Variants in KNTC1 observed in about 807,000 individuals in gnomAD.
KNTC1 encodes the protein kinetochore associated 1.
In KNTC1, 253 loss-of-function variants were observed where a neutral mutation model predicts 314.4. The observed-to-expected ratio is 0.80, with a 90% CI of 0.73 to 0.89. The LOEUF is 0.89. Among genes scored for constraint, KNTC1 ranks in the 40% least tolerant of loss-of-function variants. The pLI, the probability that KNTC1 is intolerant of heterozygous loss-of-function variation, is 0.00. For missense variants in KNTC1, 2,475 were observed against 2,572.9 expected (o/e 0.96, Z 0.82); for synonymous variants, 901 against 901.4 (o/e 1.00, Z 0.01).
intron 10 of KNTC1, 72 bp downstream of exon 10, chr12:122,546,746 G>C: frequency 9.7e-7 from 1 of 1,026,070 alleles, no homozygotes; most frequent in Non-Finnish European, 1.5e-6. Context: ...ACTTACAAAG[G>C]CAAGGGTTTT....
At chr12:122,554,920 C>G (rs915697465) in intron 16 of KNTC1, among the ~76,000 whole-genome samples, 20 of 152,142 alleles carry the variant, frequency 1.3e-4, no homozygotes, top group Non-Finnish European at 2.4e-4. Flanking sequence ...TGGTGTGCGC[C>G]TGTAGTCCCA....
chr12:122,568,023 G>T (rs1964457121), intron 20 of KNTC1, among the ~76,000 whole-genome samples: 1 of 152,124 alleles, frequency 6.6e-6, no homozygotes, highest in Non-Finnish European at 1.5e-5. Context: ...GATTATCTGA[G>T]GAGGGTCCTA....
At chr12:122,599,170 T>A (rs568360856) in intron 44 of KNTC1, among the ~76,000 whole-genome samples, 1 of 152,042 alleles carries the variant, frequency 6.6e-6, no homozygotes, top group Non-Finnish European at 1.5e-5. Flanking sequence ...TCTCACTATA[T>A]TGCCCAGGTT....
intron 57 of KNTC1, 149 bp downstream of exon 57, chr12:122,615,675 G>A (rs1489662428): frequency 1.5e-5 from 10 of 685,196 alleles, no homozygotes; most frequent in East Asian, 9.6e-5. Context: ...TAACCCCAAC[G>A]CTTTGGGAGG....
At chr12:122,569,138 A>G (rs184002571) in intron 21 of KNTC1, among the ~76,000 whole-genome samples, 77 of 152,310 alleles carry the variant, frequency 5.1e-4, no homozygotes, top group African/African-American at 1.7e-3. Context: ...CTACACTTAT[A>G]CCACTGAACT....
At chr12:122,540,036 G>A (rs1406980189) in intron 5 of KNTC1, among the ~76,000 whole-genome samples, 1 of 151,708 alleles carries the variant, frequency 6.6e-6, no homozygotes, top group East Asian at 1.9e-4. Context: ...CACCTGCCTC[G>A]GCCTCCCAAA....
At chr12:122,550,567 A>G (rs911485944) in intron 13 of KNTC1, among the ~76,000 whole-genome samples, 1 of 152,106 alleles carries the variant, frequency 6.6e-6, no homozygotes, top group African/African-American at 2.4e-5. Context: ...CCGTCGCTCA[A>G]TCATAGCTCA....
chr12:122,579,025 C>CTTTTTTTTT (rs74421837), intron 31 of KNTC1, among the ~76,000 whole-genome samples: 3 of 75,256 alleles, frequency 4.0e-5, no homozygotes, highest in Non-Finnish European at 5.2e-5. Flanking sequence ...AGTCTGTATT[C>CTTTTTTTTT]TTTTTTTTTT....
chr12:122,598,028 G>T lies in KNTC1; in HGVS notation c.4563+90G>T, dbSNP rs548062750. Reference sequence around the variant, plus strand: ...CATTAGTAACAAATTGGATGTATAAGTCTATATTTTTATCAACTTTTAATT... The same window carrying T: ...CATTAGTAACAAATTGGATGTATAATTCTATATTTTTATCAACTTTTAATT... On this transcript the variant is annotated intron_variant, in intron 44 of 63. Transcript: ENST00000333479. 4.0e-4 allele frequency: 362 copies of T among 902,508 alleles called. 1 individual carries two copies. The highest frequency in any genetic ancestry group is 5.6e-4 in the Non-Finnish European group (323 of 576,858). The allele number at this position is 902,508 out of a possible 1,614,324, so 55.9% of individuals were successfully genotyped here. A position where few individuals can be genotyped will look rare whatever the true frequency, so the allele number is the denominator to read the frequency against.
chr12:122,562,022 A>G lies in KNTC1; in HGVS notation c.1542+48A>G, dbSNP rs780150697. ...TTAATATGTGGGTGAATATACCTTT[A>G]TAATATGTTTTCCATTCAAAATAGA... On this transcript the variant is annotated intron_variant, in intron 19 of 63. Coordinates refer to ENST00000333479, the MANE Select transcript of KNTC1 (RefSeq NM_014708.6). 8.4e-6 allele frequency: 13 copies of G among 1,538,890 alleles called. 1 individual carries two copies. In the East Asian group the frequency reaches 2.9e-4, roughly 35 times the overall value.
At chr12:122,561,097 A>C (rs1593543370) in intron 18 of KNTC1, among the ~76,000 whole-genome samples, 1 of 152,110 alleles carries the variant, frequency 6.6e-6, no homozygotes, top group Admixed American at 6.6e-5. Flanking sequence ...AGAGCACTTG[A>C]GGTCAGGAGT....
intron 39 of KNTC1, among the ~76,000 whole-genome samples, 189 bp from the exon 40 acceptor site, chr12:122,588,523 G>C (rs537194782): frequency 6.6e-6 from 1 of 152,120 alleles, no homozygotes; most frequent in Non-Finnish European, 1.5e-5. Context: ...TGAAGACTTA[G>C]GGTATTTTTA....
At chr12:122,589,941 G>T in intron 40 of KNTC1, among the ~76,000 whole-genome samples, 1 of 151,760 alleles carries the variant, frequency 6.6e-6, no homozygotes, top group East Asian at 1.9e-4. Flanking sequence ...CCACCACCAC[G>T]CCTGGCTAAT....
chr12:122,622,550 A>C lies in KNTC1; in HGVS notation c.6458A>C (p.His2153Pro). 6.4e-7 allele frequency: 1 copy of C among 1,573,942 alleles called. No individual in the cohort carries two copies. The highest frequency in any genetic ancestry group is 1.9e-5 in the Admixed American group (1 of 53,508). The change falls in exon 62 of 64, where the codon CAT becomes CCT. Residue 2153 changes from histidine to proline, a missense_variant. His to Pro is a moderately conservative substitution (Grantham distance 77). Coordinates refer to ENST00000333479, the MANE Select transcript of KNTC1 (RefSeq NM_014708.6). ...AAATACTTTCAAATGTTGAAGATGC[A>C]TGCGATGAATACCAACAATATCACT... ...KTKYFQMLKMHAMNTNNITEL... is the reference protein window; with the variant it reads ...KTKYFQMLKMPAMNTNNITEL...
In KNTC1 at chr12:122,621,914, T is replaced by G. The variant is rs1180117195; in HGVS notation, c.6313T>G (p.Leu2105Val). ...FLGSCDPQVI[L>V]KQLEEHMNTG... ...GGGTTCCTGTGACCCTCAGGTTATT[T>G]TAAAGCAATTGGAAGAGCATATGAA... Residue 2105 changes from leucine (L) to valine (V), a missense_variant, in exon 61 of 64, where the codon TTA (leucine) becomes GTA (valine). Leu to Val is a conservative substitution (Grantham distance 32, BLOSUM62 1). Coordinates refer to ENST00000333479, the MANE Select transcript of KNTC1 (RefSeq NM_014708.6). 6.2e-7 allele frequency: 1 copy of G among 1,608,470 alleles called. No individual in the cohort carries two copies. The highest frequency in any genetic ancestry group is 8.5e-7 in the Non-Finnish European group (1 of 1,177,424).
chr12:122,577,727 C>T lies in KNTC1; in HGVS notation c.2777C>T (p.Thr926Ile). 1.2e-6 allele frequency: 2 copies of T among 1,613,786 alleles called. No individual in the cohort carries two copies. Among genetic ancestry groups the T allele is most frequent in the Non-Finnish European group, 1.7e-6 (2 of 1,179,764 alleles). The change falls in exon 31 of 64, where the codon ACT becomes ATT. Residue 926 changes from threonine (T) to isoleucine (I), a missense_variant. By Grantham distance (89) the Thr-to-Ile change is moderately conservative. Coordinates refer to ENST00000333479, the MANE Select transcript of KNTC1 (RefSeq NM_014708.6). ...KSLPPAEAEK[T>I]AERVIIWARL... Reference sequence around the variant, plus strand: ...TTGCCTCCTGCTGAAGCTGAGAAAACTGCAGAAAGAGTCATCATATGGGCA... The same window carrying T: ...TTGCCTCCTGCTGAAGCTGAGAAAATTGCAGAAAGAGTCATCATATGGGCA...
chr12:122,598,689 A>G (rs1440090822), intron 44 of KNTC1, among the ~76,000 whole-genome samples: 1 of 152,072 alleles, frequency 6.6e-6, no homozygotes, highest in Non-Finnish European at 1.5e-5. Flanking sequence ...CCAAAGTGCT[A>G]GGAATACAGA....
intron 33 of KNTC1, among the ~76,000 whole-genome samples, chr12:122,581,602 C>G (rs1021725158): frequency 6.6e-6 from 1 of 152,028 alleles, no homozygotes; most frequent in Non-Finnish European, 1.5e-5. Flanking sequence ...TCAAGAGATT[C>G]TCCTGTCTCA....
At position 122,574,339 on chromosome 12, in the gene KNTC1, G is replaced by C. The variant is rs750419356; in HGVS notation, c.2341G>C (p.Ala781Pro). The change falls in exon 27 of 64, where the codon GCA becomes CCA. Residue 781 changes from alanine to proline, a missense_variant. Coordinates refer to ENST00000333479, the MANE Select transcript of KNTC1 (RefSeq NM_014708.6). ...ATCACTCTTTGAAACAGCATGGGAAGCAAAGGCCATGGCAGTAATAGCGTG... is the reference window on the plus strand; with the variant it reads ...ATCACTCTTTGAAACAGCATGGGAACCAAAGGCCATGGCAGTAATAGCGTG... The part of the protein sequence containing the change: ...STSLFETAWE[A>P]KAMAVIACLS... The C allele has an allele frequency of 6.2e-7, 1 of 1,611,836 alleles. No homozygotes were observed. The highest frequency in any genetic ancestry group is 1.1e-5 in the South Asian group (1 of 90,884).
Sources: allele counts gnomAD v4.1 joint callset (sites outside exome capture counted in the v4.1 genomes callset), GRCh38; gene constraint gnomAD v4.1.1; transcripts MANE v1.5; gene names NCBI Gene and HGNC (gene_info 2026-07-23, HGNC 2026-07-21).